NME8: variants seen among roughly 807,000 people sequenced by gnomAD.
NME8 encodes the protein NME/NM23 family member 8.
A neutral mutation model predicts 82.3 loss-of-function variants in NME8; 72 were observed. That is an observed-to-expected ratio of 0.87 (90% confidence interval 0.72 to 1.06). The LOEUF (loss-of-function observed/expected upper bound fraction) is 1.06, where lower values mean the gene tolerates loss of function less well. NME8 is among the 50% of genes least tolerant of loss of function. The pLI, the probability that NME8 is intolerant of heterozygous loss-of-function variation, is 0.00. For missense variants in NME8, 712 were observed against 685.4 expected (o/e 1.04, Z -0.43); for synonymous variants, 267 against 228.5 (o/e 1.17, Z -1.52).
chr7:37,882,759 C>T (rs1375942420), intron 12 of NME8, among the ~76,000 whole-genome samples: 2 of 152,088 alleles, frequency 1.3e-5, no homozygotes, highest in Non-Finnish European at 2.9e-5. Flanking sequence ...TTGCTAGACA[C>T]CTTTATCTAG....
intron 12 of NME8, among the ~76,000 whole-genome samples, chr7:37,883,426 G>A (rs1310581698): frequency 6.6e-6 from 1 of 152,138 alleles, no homozygotes; most frequent in Non-Finnish European, 1.5e-5. Flanking sequence ...TTCTTAAACT[G>A]TATTAACATG....
intron 16 of NME8, among the ~76,000 whole-genome samples, chr7:37,896,061 A>C (rs1013100515): frequency 6.6e-6 from 1 of 152,200 alleles, no homozygotes; most frequent in Non-Finnish European, 1.5e-5. Context: ...ACGTGTGTAT[A>C]AAATACGTAT....
chr7:37,866,108 G>C (rs952927068), intron 10 of NME8, among the ~76,000 whole-genome samples: 1 of 151,962 alleles, frequency 6.6e-6, no homozygotes, highest in Non-Finnish European at 1.5e-5. Flanking sequence ...AGGCAGTGCT[G>C]TGTATTAGAA....
chr7:37,850,511 T>C (rs1784423933), intron 4 of NME8, 76 bp downstream of exon 4: 1 of 1,558,280 alleles, frequency 6.4e-7, no homozygotes, highest in Non-Finnish European at 8.9e-7. Context: ...CCCTCTAGAG[T>C]CCCCACTTTG....
At chr7:37,874,449 G>A (rs1024711475) in intron 11 of NME8, among the ~76,000 whole-genome samples, 5 of 152,180 alleles carry the variant, frequency 3.3e-5, no homozygotes, top group Admixed American at 2.6e-4. Context: ...GGGAGATAGT[G>A]TGTCAGAATG....
chr7:37,884,215 G>T, intron 12 of NME8, 88 bp from the exon 13 acceptor site: 1 of 931,552 alleles, frequency 1.1e-6, no homozygotes, highest in African/African-American at 1.6e-5. Context: ...AAAGTGCATT[G>T]TATGCCCTCA....
intron 5 of NME8, among the ~76,000 whole-genome samples, chr7:37,851,470 A>T (rs904156812): frequency 1.4e-5 from 2 of 140,658 alleles, no homozygotes; most frequent in African/African-American, 5.6e-5. Context: ...ATTAAGGATT[A>T]ATTATTTCTG....
intron 14 of NME8, among the ~76,000 whole-genome samples, chr7:37,885,646 T>C (rs1785030042): frequency 6.6e-6 from 1 of 152,190 alleles, no homozygotes; most frequent in Non-Finnish European, 1.5e-5. Context: ...ATATGTACTC[T>C]ACAATTCAGG....
Position 37,897,022 on chromosome 7 carries a change from A to G in NME8, c.1697A>G (p.His566Arg), listed in dbSNP as rs373041452. The change falls in exon 17 of 18, where the codon CAT (histidine) becomes CGT (arginine). Residue 566 changes from histidine (H) to arginine (R), a missense_variant. Transcript: ENST00000199447. The stretch of plus-strand genomic sequence containing the variant: ...ATAAGTAAATTGAAAAACATTGTCC[A>G]TGGAGCATCTAACGCCTATGAAGCA... The part of the protein sequence containing the change: ...FGISKLKNIV[H>R]GASNAYEAKE... 5.0e-6 allele frequency: 8 copies of G among 1,613,848 alleles called. No individual in the cohort carries two copies. In the African/African-American group the frequency reaches 9.3e-5, roughly 19 times the overall value.
At chr7:37,886,955 C>G (rs1318481691) in intron 14 of NME8, among the ~76,000 whole-genome samples, 6 of 151,996 alleles carry the variant, frequency 3.9e-5, no homozygotes, top group Admixed American at 3.3e-4. Context: ...GACAGAAAAC[C>G]AAGTTTCCAG....
chr7:37,893,967 C>T (rs1325112556), intron 15 of NME8, among the ~76,000 whole-genome samples: 1 of 152,078 alleles, frequency 6.6e-6, no homozygotes, highest in African/African-American at 2.4e-5. Flanking sequence ...CAGAAAGCTC[C>T]CAGTTTCTCA....
chr7:37,857,122 A>G, intron 5 of NME8, 152 bp from the exon 6 acceptor site: 1 of 618,790 alleles, frequency 1.6e-6, no homozygotes, highest in Non-Finnish European at 2.8e-6. Context: ...AATCGCCAGT[A>G]TGTGCAGTTT....
At chr7:37,877,650 C>A (rs13230425) in intron 12 of NME8, among the ~76,000 whole-genome samples, 2 of 152,142 alleles carry the variant, frequency 1.3e-5, no homozygotes, top group East Asian at 3.8e-4. Flanking sequence ...TCTATGTAGA[C>A]CAGGATTTCT....
chr7:37,888,506 A>G, intron 15 of NME8, 78 bp downstream of exon 15: 1 of 1,402,194 alleles, frequency 7.1e-7, no homozygotes, highest in Non-Finnish European at 9.9e-7. Flanking sequence ...ACAATCAGAA[A>G]AGCAAAACAG....
intron 14 of NME8, among the ~76,000 whole-genome samples, chr7:37,885,731 C>T (rs1045236379): frequency 2.6e-5 from 4 of 152,162 alleles, no homozygotes; most frequent in Non-Finnish European, 5.9e-5. Flanking sequence ...TGACCCCTGG[C>T]ATATTACCTG....
chr7:37,888,040 A>C (rs946581675), intron 14 of NME8, among the ~76,000 whole-genome samples: 1 of 152,144 alleles, frequency 6.6e-6, no homozygotes, highest in Non-Finnish European at 1.5e-5. Flanking sequence ...TTTCATAGTT[A>C]TCTGTTAATA....
At chr7:37,858,650 AC>A (rs144033724) in intron 6 of NME8, among the ~76,000 whole-genome samples, 1,716 of 152,290 alleles carry the variant, frequency 0.011, 33 homozygotes, top group East Asian at 0.076. Context: ...GGCTCATGGA[AC>A]AATGAGGAGG....
At chr7:37,851,651 C>T (rs781308710) in intron 5 of NME8, among the ~76,000 whole-genome samples, 39 of 151,944 alleles carry the variant, frequency 2.6e-4, no homozygotes, top group Non-Finnish European at 4.3e-4. Flanking sequence ...AATTTATTAT[C>T]ACATTATTTT....
At chr7:37,866,059 C>G (rs1022474043) in intron 10 of NME8, among the ~76,000 whole-genome samples, 3 of 152,002 alleles carry the variant, frequency 2.0e-5, no homozygotes, top group African/African-American at 7.3e-5. Context: ...ACCTCCCTAC[C>G]CCACCAACTC....
Sources: allele counts gnomAD v4.1 joint callset (sites outside exome capture counted in the v4.1 genomes callset), GRCh38; gene constraint gnomAD v4.1.1; transcripts MANE v1.5; gene names NCBI Gene and HGNC (gene_info 2026-07-23, HGNC 2026-07-21).